Variants in FARP1 observed in about 807,000 individuals in gnomAD.
The protein encoded by FARP1 is FERM, ARH/RhoGEF and pleckstrin domain protein 1.
In FARP1, 52 loss-of-function variants were observed where a neutral mutation model predicts 128.8. The observed-to-expected ratio is 0.40, with a 90% confidence interval of 0.32 to 0.51. The LOEUF (loss-of-function observed/expected upper bound fraction) is 0.51. Among genes scored for constraint, FARP1 ranks in the 20% least tolerant of loss-of-function variants. The probability of loss-of-function intolerance (pLI) is 0.45; values close to 1 mark genes in which losing one functional copy is unlikely to be tolerated. For missense variants in FARP1, 1,333 were observed against 1,367.9 expected, an observed-to-expected ratio of 0.97 and a Z score of 0.40; for synonymous variants, 580 against 551.8, an observed-to-expected ratio of 1.05 and a Z score of -0.72.
chr13:98,297,574 C>T (rs191513711), intron 2 of FARP1, among the ~76,000 whole-genome samples: 2 of 152,252 alleles, frequency 1.3e-5, no homozygotes, highest in African/African-American at 4.8e-5. Context: ...ACTCAAACTG[C>T]CCCGTGTTTA....
At chr13:98,415,401 C>T (rs559728485) in intron 16 of FARP1, among the ~76,000 whole-genome samples, 1 of 152,294 alleles carries the variant, frequency 6.6e-6, no homozygotes, top group South Asian at 2.1e-4. Context: ...ACTCTTGTTT[C>T]TTTAGTCTAC....
chr13:98,151,679 T>TTTTTTTTTTTTTTTTAA (rs1876014021), intron 1 of FARP1, among the ~76,000 whole-genome samples: 1 of 143,274 alleles, frequency 7.0e-6, no homozygotes, highest in Non-Finnish European at 1.5e-5. Flanking sequence ...TTTTTTTTTT[T>TTTTTTTTTTTTTTTTAA]GAGACGGAGT....
chr13:98,309,152 C>CTTTTTTTTTTTTTTTTTTTTTTTTTTT (rs1886325642), intron 2 of FARP1, among the ~76,000 whole-genome samples: 1 of 106,192 alleles, frequency 9.4e-6, no homozygotes, highest in African/African-American at 3.7e-5. Context: ...TTTTAAGAGG[C>CTTTTTTTTTTTTTTTTTTTTTTTTTTT]CTTTTTTTTT....
intron 1 of FARP1, among the ~76,000 whole-genome samples, chr13:98,174,547 C>G (rs151189300): frequency 6.6e-6 from 1 of 152,102 alleles, no homozygotes; most frequent in Non-Finnish European, 1.5e-5. Context: ...CAAAAACGGA[C>G]GGACTTAGGG....
At chr13:98,265,109 T>C (rs1176077594) in intron 2 of FARP1, among the ~76,000 whole-genome samples, 1 of 152,092 alleles carries the variant, frequency 6.6e-6, no homozygotes, top group African/African-American at 2.4e-5. Flanking sequence ...AAAGTGTTTG[T>C]GGAAATGAAC....
In FARP1 at chr13:98,152,971, T is replaced by C. The variant is rs546753354; in HGVS notation, c.-24+9479T>C. Among the ~76,000 whole-genome samples, 67 of 152,180 alleles carry C rather than the reference T, an allele frequency of 4.4e-4. No homozygotes were observed. In the South Asian group the frequency reaches 0.013, roughly 31 times the overall value. On this transcript the variant is annotated intron_variant, in intron 1 of 26. Transcript: ENST00000319562. The stretch of plus-strand genomic sequence containing the variant: ...ATACTTGAGAGTATTGCTTCATTTC[T>C]TCAAGAAAAAAATGATGGAAATGCC...
chr13:98,143,908 C>T (rs923749354), intron 1 of FARP1, among the ~76,000 whole-genome samples: 17 of 151,804 alleles, frequency 1.1e-4, no homozygotes, highest in Admixed American at 3.9e-4. Flanking sequence ...AGGCCGGTTG[C>T]GGGCCGGGGA....
At chr13:98,412,487 G>A (rs778708139) in intron 16 of FARP1, among the ~76,000 whole-genome samples, 27 of 152,182 alleles carry the variant, frequency 1.8e-4, no homozygotes, top group Non-Finnish European at 3.1e-4. Flanking sequence ...TGTATGTGGC[G>A]TGTGCATGCG....
chr13:98,367,264 C>G (rs1889125742), intron 4 of FARP1, among the ~76,000 whole-genome samples: 2 of 152,124 alleles, frequency 1.3e-5, no homozygotes, highest in Admixed American at 1.3e-4. Flanking sequence ...TCAAATGAGT[C>G]TCATGCCTCA....
At chr13:98,251,871 G>T (rs1566795351) in intron 2 of FARP1, among the ~76,000 whole-genome samples, 2 of 152,228 alleles carry the variant, frequency 1.3e-5, no homozygotes, top group South Asian at 2.1e-4. Context: ...TTTTGAGATG[G>T]TGTCTCATTC....
chr13:98,411,639 G>A (rs774951206), intron 15 of FARP1, among the ~76,000 whole-genome samples: 1 of 152,222 alleles, frequency 6.6e-6, no homozygotes, highest in Non-Finnish European at 1.5e-5. Flanking sequence ...CCCCATTTAA[G>A]AGATTTCTCC....
At chr13:98,334,101 G>T (rs1887638681) in intron 2 of FARP1, 1 of 136,954 alleles carries the variant, frequency 7.3e-6, no homozygotes, top group African/African-American at 3.1e-5. Flanking sequence ...TCCATTTTAT[G>T]TAAGAGGAAA....
intron 24 of FARP1, among the ~76,000 whole-genome samples, chr13:98,443,072 G>A (rs1325812303): frequency 2.0e-5 from 3 of 152,190 alleles, no homozygotes; most frequent in Non-Finnish European, 4.4e-5. Flanking sequence ...ACTGAGTCAG[G>A]GGCACGCTGG....
chr13:98,219,564 G>A (rs143765675), intron 2 of FARP1, among the ~76,000 whole-genome samples: 175 of 152,192 alleles, frequency 1.1e-3, no homozygotes, highest in Non-Finnish European at 1.5e-3. Context: ...TGGAACTCCT[G>A]GTCAAGCAGT....
intron 1 of FARP1, chr13:98,208,745 C>T (rs189266901): frequency 1.0e-3 from 160 of 152,716 alleles, no homozygotes; most frequent in African/African-American, 3.7e-3. Context: ...AGGACACGCC[C>T]TTTTAGGCCC....
In FARP1 at chr13:98,454,414, A is replaced by G. The variant is rs1458116581; in HGVS notation, c.*6097A>G. Reference sequence around the variant, plus strand: ...GATGTCTTTGACCAGGCTTATCTCAAACGTTCCAATCTAGAGCTCCTCTTT... The same window carrying G: ...GATGTCTTTGACCAGGCTTATCTCAGACGTTCCAATCTAGAGCTCCTCTTT... On this transcript the variant is annotated 3_prime_UTR_variant, in exon 27 of 27. Transcript: ENST00000319562. 1 of 152,194 alleles carries G rather than the reference A, an allele frequency of 6.6e-6. No homozygotes were observed. Among genetic ancestry groups the G allele is most frequent in the African/African-American group, 2.4e-5 (1 of 41,436 alleles). The allele number at this position is 152,194 out of a possible 1,614,324, so 9.4% of individuals were successfully genotyped here.
chr13:98,268,920 C>T (rs111928468), intron 2 of FARP1, among the ~76,000 whole-genome samples: 328 of 151,242 alleles, frequency 2.2e-3, no homozygotes, highest in African/African-American at 7.6e-3. Flanking sequence ...TTTGTAGAAA[C>T]GAGGTTTCGC....
chr13:98,336,456 G>A (rs993056954), intron 2 of FARP1, among the ~76,000 whole-genome samples: 30 of 152,296 alleles, frequency 2.0e-4, no homozygotes, highest in African/African-American at 6.7e-4. Context: ...ATTTTTAGTA[G>A]AGATGGGGTT....
At chr13:98,356,242 C>T (rs1310634223) in intron 3 of FARP1, among the ~76,000 whole-genome samples, 2 of 152,106 alleles carry the variant, frequency 1.3e-5, no homozygotes, top group African/African-American at 4.8e-5. Context: ...GCTATATGTT[C>T]TGAGAAATGT....
Sources: gnomAD v4.1 joint callset for allele counts (sites outside exome capture counted in the v4.1 genomes callset) on GRCh38, gnomAD v4.1.1 for gene constraint, MANE v1.5 for transcripts, NCBI Gene and HGNC (gene_info 2026-07-23, HGNC 2026-07-21) for gene names.